The following MSI2 variants were observed in gnomAD, a reference collection of about 807,000 sequenced individuals.
The protein encoded by MSI2 is RNA-binding protein Musashi homolog 2.
Under a neutral mutation model 45.6 loss-of-function variants are expected in MSI2, and 17 were observed. That is an observed-to-expected ratio of 0.37 (90% CI 0.26 to 0.56). The LOEUF (loss-of-function observed/expected upper bound fraction) is 0.56, where lower values mean the gene tolerates loss of function less well. Ranked by LOEUF, MSI2 falls within the 20% of genes least tolerant of loss-of-function variation. The pLI is 0.77. For missense variants in MSI2, 293 were observed against 444.2 expected (o/e 0.66, Z 3.06); for synonymous variants, 156 against 158.2 (o/e 0.99, Z 0.11).
chr17:57,475,405 A>G (rs1381799986), intron 6 of MSI2, among the ~76,000 whole-genome samples: 1 of 152,178 alleles, frequency 6.6e-6, no homozygotes, highest in Non-Finnish European at 1.5e-5. Flanking sequence ...ATAAAGCCCA[A>G]GTGGCATCTT....
chr17:57,397,307 C>T (rs2083908724), intron 5 of MSI2, among the ~76,000 whole-genome samples: 1 of 152,178 alleles, frequency 6.6e-6, no homozygotes, highest in Non-Finnish European at 1.5e-5. Context: ...CTTGTCCAGC[C>T]TTCTCACTGT....
rs549404243 is a variant in MSI2 at position 57,348,824 on chromosome 17, G to A, written c.313-52555G>A. On this transcript the variant is annotated intron_variant, in intron 5 of 13. Coordinates refer to ENST00000284073, the MANE Select transcript of MSI2 (RefSeq NM_138962.4). ...GGAGAATGGTGACATTCTTAGGTTGGTGTCCTTCTCTTTCCCAACTCACAT... is the reference window on the plus strand; with the variant it reads ...GGAGAATGGTGACATTCTTAGGTTGATGTCCTTCTCTTTCCCAACTCACAT... 9.8e-5 allele frequency among the ~76,000 whole-genome samples: 15 copies of A among 152,292 alleles called. No individual in the cohort carries two copies. In the South Asian group the frequency reaches 2.9e-3, roughly 29 times the overall value.
chr17:57,278,794 A>G (rs1909133102), intron 5 of MSI2: 1 of 152,390 alleles, frequency 6.6e-6, no homozygotes, highest in Non-Finnish European at 1.5e-5. Context: ...TCACCTAGGT[A>G]TTAAGCCCTG....
At chr17:57,270,501 A>G (rs1020562683) in intron 5 of MSI2, among the ~76,000 whole-genome samples, 2 of 152,240 alleles carry the variant, frequency 1.3e-5, no homozygotes, top group African/African-American at 4.8e-5. Context: ...AATTTGTGAT[A>G]GTCTAGCTGG....
intron 6 of MSI2, among the ~76,000 whole-genome samples, chr17:57,435,702 G>T (rs1036636261): frequency 3.2e-4 from 47 of 145,466 alleles, no homozygotes; most frequent in Admixed American, 1.1e-3. Context: ...AGCCAGGGAG[G>T]GCCTCAGGGC....
intron 5 of MSI2, among the ~76,000 whole-genome samples, chr17:57,341,183 G>A (rs1424397208): frequency 6.6e-6 from 1 of 152,142 alleles, no homozygotes; most frequent in Non-Finnish European, 1.5e-5. Context: ...GTCAAGTCAG[G>A]ACAGAGCTGG....
At chr17:57,631,689 T>C in intron 10 of MSI2, 1 of 985,778 alleles carries the variant, frequency 1.0e-6, no homozygotes, top group Admixed American at 2.1e-5. Flanking sequence ...TGAATTATTA[T>C]GGGTTGTGAT....
At chr17:57,446,810 C>T (rs1328969544) in intron 6 of MSI2, among the ~76,000 whole-genome samples, 1 of 152,192 alleles carries the variant, frequency 6.6e-6, no homozygotes, top group Non-Finnish European at 1.5e-5. Context: ...AAGGAACCCA[C>T]ACGGACAAAA....
At chr17:57,392,499 CTCCATATAG>C (rs1036734423) in intron 5 of MSI2, among the ~76,000 whole-genome samples, 18 of 152,124 alleles carry the variant, frequency 1.2e-4, no homozygotes, top group African/African-American at 3.1e-4. Context: ...TATATTCCAG[CTCCATATAG>C]GCGAGGGCTA....
chr17:57,526,189 C>T (rs2086691838), intron 6 of MSI2, among the ~76,000 whole-genome samples: 2 of 152,026 alleles, frequency 1.3e-5, no homozygotes, highest in African/African-American at 4.8e-5. Flanking sequence ...CATGCCATTG[C>T]ACTCCAGCCT....
downstream of MSI2, among the ~76,000 whole-genome samples, chr17:57,688,525 C>G (rs1913925190): frequency 6.6e-6 from 1 of 152,080 alleles, no homozygotes; most frequent in African/African-American, 2.4e-5. Context: ...GAAAATTAGG[C>G]AGCCATTAAA....
chr17:57,268,211 CA>C (rs1907994214), intron 5 of MSI2: 2 of 152,172 alleles, frequency 1.3e-5, no homozygotes, highest in Non-Finnish European at 2.9e-5. Context: ...AGATACTGTG[CA>C]AAATTCGGGG....
chr17:57,479,362 T>C (rs1031747807), intron 6 of MSI2, among the ~76,000 whole-genome samples: 10 of 152,182 alleles, frequency 6.6e-5, no homozygotes, highest in Non-Finnish European at 1.5e-5. Context: ...AGGTTCCTTC[T>C]TATGTCATCA....
chr17:57,359,628 G>A (rs889246234), intron 5 of MSI2, among the ~76,000 whole-genome samples: 1 of 152,178 alleles, frequency 6.6e-6, no homozygotes, highest in Non-Finnish European at 1.5e-5. Flanking sequence ...GCCATCCAGT[G>A]GCTGAGGTCA....
chr17:57,338,458 G>A (rs753111589), intron 5 of MSI2, among the ~76,000 whole-genome samples: 12 of 152,192 alleles, frequency 7.9e-5, no homozygotes, highest in Non-Finnish European at 1.8e-4. Context: ...CACGATCTAG[G>A]CTCACTGCAG....
At position 57,262,146 on chromosome 17, in the gene MSI2, C is replaced by T; in HGVS notation, c.271-5C>T. 6.2e-7 allele frequency: 1 copy of T among 1,611,888 alleles called. No individual in the cohort carries two copies. Among genetic ancestry groups the T allele is most frequent in the Non-Finnish European group, 8.5e-7 (1 of 1,179,106 alleles). On this transcript the variant is annotated splice_polypyrimidine_tract_variant and splice_region_variant and intron_variant, in intron 4 of 13. Coordinates refer to ENST00000284073, the MANE Select transcript of MSI2 (RefSeq NM_138962.4). ...TGACTCCTGCTTTTCTATTTTTTTT[C>T]CCAGATTGACCCCAAAGTTGCATTT...
chr17:57,633,104 T>C, intron 10 of MSI2: 2 of 1,030,872 alleles, frequency 1.9e-6, no homozygotes, highest in Non-Finnish European at 2.3e-6. Flanking sequence ...AAATAGTTCA[T>C]CTGTGCTTCT....
chr17:57,411,128 C>G (rs1022360409), intron 6 of MSI2, among the ~76,000 whole-genome samples: 13 of 152,160 alleles, frequency 8.5e-5, no homozygotes, highest in African/African-American at 3.1e-4. Context: ...CCTCAGCCTC[C>G]CAAGTAGCTA....
chr17:57,540,465 C>A (rs946003426), intron 7 of MSI2, among the ~76,000 whole-genome samples: 2 of 152,118 alleles, frequency 1.3e-5, no homozygotes, highest in African/African-American at 4.8e-5. Flanking sequence ...CTAAAAGATA[C>A]CCCCAAAAGA....
Sources: allele counts gnomAD v4.1 joint callset (sites outside exome capture counted in the v4.1 genomes callset), GRCh38; gene constraint gnomAD v4.1.1; transcripts MANE v1.5; gene names NCBI Gene and HGNC (gene_info 2026-07-23, HGNC 2026-07-21).